Variants in FLNB observed in about 807,000 individuals in gnomAD.
FLNB encodes the protein filamin B.
A neutral mutation model predicts 250.6 loss-of-function variants in FLNB; 111 were observed. That is an observed-to-expected ratio of 0.44 (90% CI 0.38 to 0.52). The LOEUF (loss-of-function observed/expected upper bound fraction) is 0.52. FLNB is among the 20% of genes least tolerant of loss of function. FLNB has a pLI of 0.00. For synonymous variants in FLNB, 1,302 were observed against 1,372.1 expected (o/e 0.95, Z 1.13); for missense variants, 2,869 against 3,447.8 (o/e 0.83, Z 4.20).
chr3:58,016,317 G>A (rs2097105690), intron 1 of FLNB, among the ~76,000 whole-genome samples: 1 of 151,950 alleles, frequency 6.6e-6, no homozygotes, highest in South Asian at 2.1e-4. Context: ...GCCTCCCAAA[G>A]TGCTGGGATT....
At chr3:58,020,381 C>T (rs1394423286) in intron 1 of FLNB, among the ~76,000 whole-genome samples, 1 of 152,146 alleles carries the variant, frequency 6.6e-6, no homozygotes, top group Non-Finnish European at 1.5e-5. Flanking sequence ...TGCAGGTAGC[C>T]TCGTGCTGTG....
At chr3:58,121,889 G>C (rs1299214441) in intron 20 of FLNB, among the ~76,000 whole-genome samples, 1 of 152,150 alleles carries the variant, frequency 6.6e-6, no homozygotes, top group African/African-American at 2.4e-5. Flanking sequence ...CATTATTCTG[G>C]CCAGGCGCGG....
intron 30 of FLNB, 35 bp downstream of exon 30, chr3:58,141,964 T>G: frequency 6.4e-7 from 1 of 1,566,616 alleles, no homozygotes. Flanking sequence ...TGTGTTTCTG[T>G]GTTTACTCAG....
At chr3:58,059,711 T>G (rs2106875862) in intron 1 of FLNB, among the ~76,000 whole-genome samples, 1 of 152,334 alleles carries the variant, frequency 6.6e-6, no homozygotes, top group East Asian at 1.9e-4. Context: ...GTGTACTTGT[T>G]CTGTTTATCT....
At chr3:58,127,526 C>T (rs555159959) in intron 24 of FLNB, among the ~76,000 whole-genome samples, 2 of 152,234 alleles carry the variant, frequency 1.3e-5, no homozygotes, top group South Asian at 4.1e-4. Context: ...GGCACTATGA[C>T]ACTTTGGGCT....
In FLNB at chr3:58,055,608, C is replaced by T. The variant is rs555275130; in HGVS notation, c.293-21438C>T. Among the ~76,000 whole-genome samples, 68 of 152,324 alleles carry T rather than the reference C, an allele frequency of 4.5e-4. 1 individual carries two copies. Among genetic ancestry groups the T allele is most frequent in the Admixed American group, 3.6e-3 (55 of 15,302 alleles). ...AAACCACATCAGTGGTGCTAATAGA[C>T]AGTGGTGCTGTGGTGTGTAGTAGGG... is the stretch of plus-strand genomic sequence containing the variant. On this transcript the variant is annotated intron_variant, in intron 1 of 45. Coordinates refer to ENST00000295956, the MANE Select transcript of FLNB (RefSeq NM_001457.4).
intron 1 of FLNB, among the ~76,000 whole-genome samples, chr3:58,059,571 A>G (rs1433573551): frequency 6.6e-6 from 1 of 152,218 alleles, no homozygotes; most frequent in African/African-American, 2.4e-5. Context: ...GTCTCCAGCC[A>G]CGGCAGCAGC....
intron 38 of FLNB, chr3:58,152,667 G>T: frequency 1.0e-6 from 1 of 974,140 alleles, no homozygotes; most frequent in South Asian, 1.5e-5. Flanking sequence ...CATTACATGG[G>T]TGACCCTCTT....
At chr3:58,034,814 G>C (rs1169453298) in intron 1 of FLNB, among the ~76,000 whole-genome samples, 2 of 152,100 alleles carry the variant, frequency 1.3e-5, no homozygotes, top group Admixed American at 1.3e-4. Flanking sequence ...CTCCACAGAC[G>C]GGTGGGTGTA....
intron 18 of FLNB, among the ~76,000 whole-genome samples, 183 bp downstream of exon 18, chr3:58,112,501 C>T (rs993721618): frequency 1.3e-5 from 2 of 152,248 alleles, no homozygotes; most frequent in African/African-American, 4.8e-5. Context: ...CCAATGGGTT[C>T]TATCAGGTGA....
Position 58,148,296 on chromosome 3 carries a change from C to G in FLNB, c.5819C>G (p.Ala1940Gly), listed in dbSNP as rs748667811. Residue 1940 changes from alanine (A) to glycine (G), a missense_variant, in exon 35 of 46, where the codon GCC becomes GGC. Physicochemically the swap from Ala to Gly is moderately conservative, Grantham distance 60. This residue lies in a region of FLNB where 1,084 missense variants were observed against 1,315.5 expected (regional missense o/e 0.82). Coordinates refer to ENST00000295956, the MANE Select transcript of FLNB (RefSeq NM_001457.4). Reference protein sequence around the residue: ...ISETDLSSLTASIKAPSGRDE... With the variant: ...ISETDLSSLTGSIKAPSGRDE... ...GAGACTGACCTCAGCAGCCTGACGG[C>G]CAGCATTAAGGCCCCATCTGGCCGA... is the stretch of plus-strand genomic sequence containing the variant. 5 of 1,614,044 alleles carry G rather than the reference C, an allele frequency of 3.1e-6. No homozygotes were observed. In the South Asian group the frequency reaches 5.5e-5, roughly 18 times the overall value.
chr3:58,028,809 T>G (rs1559644735), intron 1 of FLNB, among the ~76,000 whole-genome samples: 1 of 151,424 alleles, frequency 6.6e-6, no homozygotes, highest in South Asian at 2.1e-4. Context: ...GGAGGTGGGA[T>G]TTCACCATGT....
At chr3:58,025,353 C>T (rs2097122109) in intron 1 of FLNB, among the ~76,000 whole-genome samples, 1 of 151,990 alleles carries the variant, frequency 6.6e-6, no homozygotes. Context: ...TGGTCTTGAG[C>T]TCCTGGGCTC....
At chr3:58,155,055 C>A in intron 40 of FLNB, 127 bp downstream of exon 40, 1 of 923,790 alleles carries the variant, frequency 1.1e-6, no homozygotes, top group Non-Finnish European at 1.7e-6. Flanking sequence ...ATGGGACAGC[C>A]TCCTAGAAAT....
rs190025781 is a variant in FLNB at position 58,126,770 on chromosome 3, A to G, written c.4222+8A>G. On this transcript the variant is annotated splice_region_variant and intron_variant, in intron 24 of 45. Coordinates refer to ENST00000295956, the MANE Select transcript of FLNB (RefSeq NM_001457.4). The stretch of plus-strand genomic sequence containing the variant: ...GAGGAGCCCACATCCCCGGTGAGCT[A>G]TTCCTCAGAGAGGACCCCAGAGAAT... 3.5e-3 allele frequency: 5,708 copies of G among 1,612,656 alleles called. 20 individuals are homozygous for G. The highest frequency in any genetic ancestry group is 7.9e-3 in the Middle Eastern group (48 of 6,056).
intron 1 of FLNB, among the ~76,000 whole-genome samples, chr3:58,063,738 G>A (rs2097181608): frequency 6.6e-6 from 1 of 152,162 alleles, no homozygotes; most frequent in African/African-American, 2.4e-5. Context: ...AGGCTAATAT[G>A]AGTTGTAACT....
intron 1 of FLNB, among the ~76,000 whole-genome samples, chr3:58,049,922 G>A (rs1456245754): frequency 1.3e-5 from 2 of 152,124 alleles, no homozygotes; most frequent in Non-Finnish European, 2.9e-5. Flanking sequence ...ACCCACTACT[G>A]TGGGAGGACC....
At position 58,153,626 on chromosome 3, in the gene FLNB, G is replaced by A. The variant is rs1400340006; in HGVS notation, c.6619G>A (p.Glu2207Lys). ...RAGGPGLERG[E>K]AGVPAEFSIW... is the part of the protein sequence containing the mutation. The stretch of plus-strand genomic sequence containing the variant: ...AGGAGGCCCTGGCCTGGAGAGAGGA[G>A]AAGCGGGAGTCCCAGGTGAGCATTG... The change falls in exon 39 of 46, where the codon GAA becomes AAA. Residue 2207 changes from glutamate to lysine, a missense_variant. By Grantham distance (56) the Glu-to-Lys change is moderately conservative. Transcript: ENST00000295956. 1.2e-5 allele frequency: 19 copies of A among 1,614,138 alleles called. No individual in the cohort carries two copies. Among genetic ancestry groups the A allele is most frequent in the Non-Finnish European group, 1.6e-5 (19 of 1,180,026 alleles).
At chr3:58,056,312 A>AT (rs1295230377) in intron 1 of FLNB, among the ~76,000 whole-genome samples, 2 of 151,820 alleles carry the variant, frequency 1.3e-5, no homozygotes, top group African/African-American at 2.4e-5. Flanking sequence ...CATGTTGACC[A>AT]GGCTAGTCTC....
Sources: gnomAD v4.1 joint callset for allele counts (sites outside exome capture counted in the v4.1 genomes callset) on GRCh38, gnomAD v4.1.1 for gene constraint, gnomAD v4.1.1 regional missense constraint, MANE v1.5 for transcripts, NCBI Gene and HGNC (gene_info 2026-07-23, HGNC 2026-07-21) for gene names.